The following KCNA2 variants were observed in gnomAD, a reference collection of about 807,000 sequenced individuals.
The protein encoded by KCNA2 is potassium voltage-gated channel subfamily A member 2, also known as potassium channel, voltage gated shaker related subfamily A, member 2.
A neutral mutation model predicts 33.4 loss-of-function variants in KCNA2; 11 were observed. The observed-to-expected ratio is 0.33, with a 90% CI of 0.21 to 0.55. The LOEUF (loss-of-function observed/expected upper bound fraction) is 0.55. Among genes scored for constraint, KCNA2 ranks in the 20% least tolerant of loss-of-function variants. The pLI is 0.93. For synonymous variants in KCNA2, 222 were observed against 231.3 expected (o/e 0.96, Z 0.37); for missense variants, 291 against 621.6 (o/e 0.47, Z 5.66).
Position 110,595,436 on chromosome 1 carries a change from C to T in KCNA2, c.*7847G>A. Reference sequence around the variant, plus strand: ...GCTTCTGCTGCCTGATCACAACTAACATAGCCAGACTGGAGGGCTTCTGTG... The same window carrying T: ...GCTTCTGCTGCCTGATCACAACTAATATAGCCAGACTGGAGGGCTTCTGTG... On this transcript the variant is annotated 3_prime_UTR_variant, in exon 3 of 3. Coordinates refer to ENST00000316361, the MANE Select transcript of KCNA2 (RefSeq NM_004974.4). 1.0e-6 allele frequency: 1 copy of T among 985,502 alleles called. No homozygotes were observed. Among genetic ancestry groups the T allele is most frequent in the African/African-American group, 1.7e-5 (1 of 57,360 alleles). 61.0% of individuals were successfully genotyped at this position (985,502 alleles called of 1,614,324 possible).
At chr1:110,627,348 G>T (rs1315254669) in intron 1 of KCNA2, among the ~76,000 whole-genome samples, 8 of 152,216 alleles carry the variant, frequency 5.3e-5, no homozygotes, top group Non-Finnish European at 1.2e-4. Context: ...CACATAGTAA[G>T]TGTTCAATTA....
intron 1 of KCNA2, among the ~76,000 whole-genome samples, chr1:110,615,810 A>G (rs2101444128): frequency 6.6e-6 from 1 of 152,284 alleles, no homozygotes; most frequent in East Asian, 1.9e-4. Flanking sequence ...GACAGCTAGG[A>G]GGAGGGACAG....
chr1:110,620,672 A>G (rs1454008017), intron 1 of KCNA2, among the ~76,000 whole-genome samples: 2 of 152,136 alleles, frequency 1.3e-5, no homozygotes, highest in Non-Finnish European at 2.9e-5. Flanking sequence ...GCTAGGGTCA[A>G]GGTAGCATTT....
At chr1:110,626,127 A>G (rs920885794) in intron 1 of KCNA2, among the ~76,000 whole-genome samples, 6 of 152,238 alleles carry the variant, frequency 3.9e-5, no homozygotes, top group African/African-American at 1.4e-4. Flanking sequence ...ACACCTAAGT[A>G]TATTAAAATG....
rs1054404012 is a variant in KCNA2 at position 110,600,448 on chromosome 1, A to G, written c.*2835T>C. On this transcript the variant is annotated 3_prime_UTR_variant, in exon 3 of 3. Coordinates refer to ENST00000316361, the MANE Select transcript of KCNA2 (RefSeq NM_004974.4). ...TTGTCTTTTGTGTATGTTCTGTGTA[A>G]ATTCTATATCTGTGCAGAGTGTGCA... 8 of 984,452 alleles carry G rather than the reference A, an allele frequency of 8.1e-6. No homozygotes were observed. Among genetic ancestry groups the G allele is most frequent in the Admixed American group, 1.2e-4 (2 of 16,176 alleles). 61.0% of individuals were successfully genotyped at this position (984,452 alleles called of 1,614,324 possible).
In KCNA2 at chr1:110,600,437, T is replaced by C; in HGVS notation, c.*2846A>G. ...GTGGTGTATGTTTGTCTTTTGTGTA[T>C]GTTCTGTGTAAATTCTATATCTGTG... On this transcript the variant is annotated 3_prime_UTR_variant, in exon 3 of 3. Coordinates refer to ENST00000316361, the MANE Select transcript of KCNA2 (RefSeq NM_004974.4). The C allele has an allele frequency of 1.0e-6, 1 of 985,234 alleles. No individual in the cohort carries two copies. Among genetic ancestry groups the C allele is most frequent in the Middle Eastern group, 5.2e-4 (1 of 1,914 alleles). 61.0% of individuals were successfully genotyped at this position (985,234 alleles called of 1,614,324 possible). A position where few individuals can be genotyped will look rare whatever the true frequency, so the allele number is the denominator to read the frequency against.
At chr1:110,619,778 C>T (rs890175783) in intron 1 of KCNA2, among the ~76,000 whole-genome samples, 1 of 152,228 alleles carries the variant, frequency 6.6e-6, no homozygotes, top group Non-Finnish European at 1.5e-5. Flanking sequence ...CCAGCACTTT[C>T]AGTCACCTGA....
At chr1:110,613,281 C>T (rs1376383265) in intron 1 of KCNA2, among the ~76,000 whole-genome samples, 1 of 152,234 alleles carries the variant, frequency 6.6e-6, no homozygotes, top group Non-Finnish European at 1.5e-5. Flanking sequence ...CGGACACAGA[C>T]CTGTCACACC....
At position 110,594,077 on chromosome 1, in the gene KCNA2, A is replaced by G; in HGVS notation, c.*9206T>C. 6.9e-7 allele frequency: 1 copy of G among 1,439,126 alleles called. No individual in the cohort carries two copies. The allele number at this position is 1,439,126 out of a possible 1,614,324, so 89.1% of individuals were successfully genotyped here. A position where few individuals can be genotyped will look rare whatever the true frequency, so the allele number is the denominator to read the frequency against. ...GTTCCCTTTCGGCATCATCCTTACG[A>G]AGCTTTACCATCAGCCTTGGAGTTC... is the stretch of plus-strand genomic sequence containing the variant. On this transcript the variant is annotated 3_prime_UTR_variant, in exon 3 of 3. Coordinates refer to ENST00000316361, the MANE Select transcript of KCNA2 (RefSeq NM_004974.4).
intron 1 of KCNA2, 31 bp from the exon 2 acceptor site, chr1:110,605,753 G>C (rs964653792): frequency 6.6e-6 from 1 of 152,370 alleles, no homozygotes; most frequent in Non-Finnish European, 1.5e-5. Flanking sequence ...GGTGGAACCA[G>C]GGCATTTGAA....
At chr1:110,626,073 C>T (rs1420589896) in intron 1 of KCNA2, among the ~76,000 whole-genome samples, 2 of 152,158 alleles carry the variant, frequency 1.3e-5, no homozygotes, top group Non-Finnish European at 2.9e-5. Context: ...ATACATTTAC[C>T]CTTTGACCCA....
intron 1 of KCNA2, 102 bp downstream of exon 1, chr1:110,606,125 GA>G: frequency 1.3e-5 from 2 of 153,696 alleles, no homozygotes; most frequent in Non-Finnish European, 2.8e-5. Context: ...GCCAGTCCTG[GA>G]AAAGAAGCAC....
intron 1 of KCNA2, among the ~76,000 whole-genome samples, chr1:110,616,217 G>A (rs926777384): frequency 6.6e-6 from 1 of 152,182 alleles, no homozygotes; most frequent in African/African-American, 2.4e-5. Flanking sequence ...AGTCAGCCTG[G>A]AGAGATGGGG....
chr1:110,596,954 C>T lies in KCNA2; in HGVS notation c.*6329G>A. Reference sequence around the variant, plus strand: ...TTAGGAAAGGGGACTCTTCTGAAGCCCCTGGCTATGTGTGCAAATATTTGT... The same window carrying T: ...TTAGGAAAGGGGACTCTTCTGAAGCTCCTGGCTATGTGTGCAAATATTTGT... On this transcript the variant is annotated 3_prime_UTR_variant, in exon 3 of 3. Coordinates refer to ENST00000316361, the MANE Select transcript of KCNA2 (RefSeq NM_004974.4). 1.0e-6 allele frequency: 1 copy of T among 985,392 alleles called. No homozygotes were observed. Among genetic ancestry groups the T allele is most frequent in the South Asian group, 4.7e-5 (1 of 21,284 alleles). The allele number at this position is 985,392 out of a possible 1,614,324, so 61.0% of individuals were successfully genotyped here.
chr1:110,620,041 A>C (rs1350912461), intron 1 of KCNA2, among the ~76,000 whole-genome samples: 7 of 137,550 alleles, frequency 5.1e-5, no homozygotes, highest in African/African-American at 1.9e-4. Flanking sequence ...AATGAGAGAG[A>C]GAGAGCGAGA....
intron 1 of KCNA2, among the ~76,000 whole-genome samples, chr1:110,617,575 G>A (rs1181814743): frequency 6.6e-6 from 1 of 152,172 alleles, no homozygotes; most frequent in South Asian, 2.1e-4. Flanking sequence ...GTAAGGAGGA[G>A]GTTGCTTCCC....
At position 110,630,022 on chromosome 1, in the gene KCNA2, T is replaced by G. The variant is rs991573601; in HGVS notation, c.-496+1373A>C. ...AAGTGCTCTGTACTTTTTTTTTTTTTTTTTTTTTTTGAGACGGAGTTTTGC... is the reference window on the plus strand; with the variant it reads ...AAGTGCTCTGTACTTTTTTTTTTTTGTTTTTTTTTTGAGACGGAGTTTTGC... On this transcript the variant is annotated intron_variant, in intron 1 of 4. Coordinates refer to the KCNA2 transcript ENST00000369770. Among the ~76,000 whole-genome samples the G allele has an allele frequency of 2.8e-4, 42 of 150,034 alleles. 1 individual carries two copies. In the East Asian group the frequency reaches 7.8e-3, roughly 28 times the overall value.
At chr1:110,630,595 A>G (rs1283399423) in intron 1 of KCNA2, among the ~76,000 whole-genome samples, 1 of 152,198 alleles carries the variant, frequency 6.6e-6, no homozygotes, top group East Asian at 1.9e-4. Flanking sequence ...CAAAGTTGTT[A>G]TGAAGAATAA....
chr1:110,619,813 C>T (rs1431122469), intron 1 of KCNA2, among the ~76,000 whole-genome samples: 3 of 152,182 alleles, frequency 2.0e-5, no homozygotes, highest in Non-Finnish European at 2.9e-5. Context: ...CAACACCTCC[C>T]CTTCCGCATT....
Sources: allele counts gnomAD v4.1 joint callset (sites outside exome capture counted in the v4.1 genomes callset), GRCh38; gene constraint gnomAD v4.1.1; transcripts MANE v1.5; gene names NCBI Gene and HGNC (gene_info 2026-07-23, HGNC 2026-07-21).